The following TRPA1 variants were observed in gnomAD, a reference collection of about 807,000 sequenced individuals.
The protein encoded by TRPA1 is transient receptor potential cation channel subfamily A member 1, also known as ankyrin-like with transmembrane domains 1.
Under a neutral mutation model 131.3 loss-of-function variants are expected in TRPA1, and 129 were observed. The observed-to-expected ratio is 0.98, with a 90% CI of 0.85 to 1.14. The LOEUF (loss-of-function observed/expected upper bound fraction) is 1.14, where lower values mean the gene tolerates loss of function less well. TRPA1 is among the 50% of genes most tolerant of loss of function. TRPA1 has a pLI of 0.00. For synonymous variants in TRPA1, 441 were observed against 451.7 expected (o/e 0.98, Z 0.30); for missense variants, 1,304 against 1,354.2 (o/e 0.96, Z 0.58).
chr8:72,063,035 A>C, intron 5 of TRPA1, 91 bp from the exon 6 acceptor site: 1 of 1,237,488 alleles, frequency 8.1e-7, no homozygotes, highest in Non-Finnish European at 1.1e-6. Flanking sequence ...AGGTAAAAAA[A>C]CAATGAAAGG....
chr8:72,047,100 GA>G (rs1212062285), intron 16 of TRPA1, 47 bp downstream of exon 16: 4 of 1,372,162 alleles, frequency 2.9e-6, no homozygotes, highest in African/African-American at 2.9e-5. Flanking sequence ...ATTTTTCAAA[GA>G]ATTATAACAA....
rs1439797454 is a variant in TRPA1, at chr8:72,063,503, A to AAATGC, written c.616_620dup (p.Phe207LeufsTer12). 1 of 1,613,810 alleles carries AAATGC rather than the reference A, an allele frequency of 6.2e-7. No individual in the cohort carries two copies. The highest frequency in any genetic ancestry group is 8.5e-7 in the Non-Finnish European group (1 of 1,179,878). On this transcript the variant is annotated frameshift_variant, in exon 5 of 27. Transcript: ENST00000262209. LOFTEE classifies it high-confidence loss of function. ...TTTCCATGCATTCTTTGGAACCTGA[A>AAATGC]AATGCAGCTTGGTGAATAGGGAAAC...
chr8:72,024,380 T>C (rs1811508045), intron 25 of TRPA1, among the ~76,000 whole-genome samples: 1 of 152,168 alleles, frequency 6.6e-6, no homozygotes, highest in African/African-American at 2.4e-5. Flanking sequence ...AAACCATAGG[T>C]TGACTGGAGA....
At chr8:72,089,766 T>C in the TRPA1 span, among the ~76,000 whole-genome samples, 1 of 152,034 alleles carries the variant, frequency 6.6e-6, no homozygotes, top group Non-Finnish European at 1.5e-5. Context: ...CAAAATAACA[T>C]TAAGTATAAA....
intron 25 of TRPA1, among the ~76,000 whole-genome samples, chr8:72,024,551 G>T (rs1284745728): frequency 1.3e-5 from 2 of 152,146 alleles, no homozygotes; most frequent in Non-Finnish European, 2.9e-5. Flanking sequence ...TGGGTGGCTG[G>T]ATTGCACAGG....
chr8:72,040,924 G>T (rs995848738), intron 17 of TRPA1, among the ~76,000 whole-genome samples: 1 of 151,934 alleles, frequency 6.6e-6, no homozygotes, highest in Admixed American at 6.6e-5. Context: ...AAAATACAAC[G>T]GTTGATTGAA....
chr8:72,029,358 C>T (rs1041403831), intron 24 of TRPA1, among the ~76,000 whole-genome samples: 1 of 152,142 alleles, frequency 6.6e-6, no homozygotes, highest in Non-Finnish European at 1.5e-5. Flanking sequence ...CAGGCAATTT[C>T]TCAATTTCTC....
the TRPA1 span, among the ~76,000 whole-genome samples, chr8:72,089,333 CT>C: frequency 6.6e-6 from 1 of 152,024 alleles, no homozygotes; most frequent in Non-Finnish European, 1.5e-5. Context: ...TATGGTGCAA[CT>C]TTCCTTGCTA....
rs778205459 is a variant in TRPA1 at position 72,036,362 on chromosome 8, T to C, written c.2481A>G (p.Pro827=). Residue 827 remains proline (P), a synonymous_variant, in exon 21 of 27, where the codon CCA becomes CCG. Transcript: ENST00000262209. ...CTCCACATTGCCACTGCAGATGAGC[T>C]GGTATTTCAACAAACAAGGGCAGCA... The part of the protein sequence containing the change: ...IFVLPLFVEI[P]AHLQWQCGAI... 1.2e-6 allele frequency: 2 copies of C among 1,614,174 alleles called. No individual in the cohort carries two copies. The highest frequency in any genetic ancestry group is 1.7e-6 in the Non-Finnish European group (2 of 1,180,018).
chr8:72,044,788 C>A (rs1048259104), intron 17 of TRPA1, among the ~76,000 whole-genome samples: 1 of 151,934 alleles, frequency 6.6e-6, no homozygotes, highest in African/African-American at 2.4e-5. Context: ...ACTCAGCTCA[C>A]TTACAACTAA....
chr8:72,052,467 G>T, intron 14 of TRPA1, 132 bp downstream of exon 14: 1 of 1,074,404 alleles, frequency 9.3e-7, no homozygotes. Context: ...TTAAAAAATT[G>T]ATGTAAACAA....
At chr8:72,056,214 A>C in intron 10 of TRPA1, 1 of 315,580 alleles carries the variant, frequency 3.2e-6, no homozygotes. Flanking sequence ...ATAACACCCA[A>C]CAGCTTCATG....
intron 23 of TRPA1, among the ~76,000 whole-genome samples, chr8:72,033,057 T>C (rs1272828578): frequency 6.6e-6 from 1 of 152,220 alleles, no homozygotes; most frequent in African/African-American, 2.4e-5. Flanking sequence ...CTCTAATGTC[T>C]GCTGATAGTG....
At position 72,052,623 on chromosome 8, in the gene TRPA1, A is replaced by C. The variant is rs1420484766; in HGVS notation, c.1787T>G (p.Val596Gly). Reference sequence around the variant, plus strand: ...CCTTTTGCTCCTGATGATCGTAAGAACAACCTCCTTCCTCTTATTGTGAAG... The same window carrying C: ...CCTTTTGCTCCTGATGATCGTAAGACCAACCTCCTTCCTCTTATTGTGAAG... ...LALHNKRKEV[V>G]LTIIRSKRWD... The change falls in exon 14 of 27, where the codon GTT (valine) becomes GGT (glycine). Residue 596 changes from valine (V) to glycine (G), a missense_variant. Transcript: ENST00000262209. The C allele has an allele frequency of 6.2e-7, 1 of 1,613,686 alleles. No individual in the cohort carries two copies. Among genetic ancestry groups the C allele is most frequent in the African/African-American group, 1.3e-5 (1 of 74,990 alleles).
intron 15 of TRPA1, among the ~76,000 whole-genome samples, chr8:72,049,642 G>T (rs1805443014): frequency 6.6e-6 from 1 of 152,124 alleles, no homozygotes; most frequent in Non-Finnish European, 1.5e-5. Flanking sequence ...TGTCTGGGGT[G>T]TCCGGTCATA....
intron 13 of TRPA1, chr8:72,052,995 G>GTGAT: frequency 5.7e-6 from 2 of 351,388 alleles, no homozygotes; most frequent in African/African-American, 2.6e-5. Flanking sequence ...GTGTGTGTGT[G>GTGAT]AGAGATAGAG....
chr8:72,048,742 A>G (rs1320887599), intron 15 of TRPA1, among the ~76,000 whole-genome samples: 1 of 152,202 alleles, frequency 6.6e-6, no homozygotes, highest in Admixed American at 6.6e-5. Flanking sequence ...TAGTCACAAT[A>G]TAAAAGTAAT....
intron 24 of TRPA1, among the ~76,000 whole-genome samples, chr8:72,027,935 C>T (rs769521866): frequency 6.6e-6 from 1 of 152,116 alleles, no homozygotes; most frequent in Non-Finnish European, 1.5e-5. Flanking sequence ...CAGCTCAACC[C>T]CACTGACACT....
Position 72,053,791 on chromosome 8 carries a change from T to C in TRPA1, c.1606A>G (p.Thr536Ala). ...YTQTMKVILDTNLKCTDRLDE... is the reference protein window; with the variant it reads ...YTQTMKVILDANLKCTDRLDE... The stretch of plus-strand genomic sequence containing the variant: ...AGGCGATCTGTGCACTTCAAATTAG[T>C]ATCAAGAATGACCTTCATGGTCTGA... Residue 536 changes from threonine (T) to alanine (A), a missense_variant, in exon 13 of 27, where the codon ACT becomes GCT. Transcript: ENST00000262209. The C allele has an allele frequency of 6.2e-7, 1 of 1,612,646 alleles. No homozygotes were observed.
Sources: gnomAD v4.1 joint callset for allele counts (sites outside exome capture counted in the v4.1 genomes callset) on GRCh38, gnomAD v4.1.1 for gene constraint, MANE v1.5 for transcripts, NCBI Gene and HGNC (gene_info 2026-07-23, HGNC 2026-07-21) for gene names.